The following EEPD1 variants were observed in gnomAD, a reference collection of about 807,000 sequenced individuals.
The protein encoded by EEPD1 is endonuclease/exonuclease/phosphatase family domain-containing protein 1.
Under a neutral mutation model 46.3 loss-of-function variants are expected in EEPD1, and 17 were observed. The observed-to-expected ratio is 0.37, with a 90% CI of 0.25 to 0.55. The LOEUF is 0.55. Ranked by LOEUF, EEPD1 falls within the 20% of genes least tolerant of loss-of-function variation. The pLI, the probability that EEPD1 is intolerant of heterozygous loss-of-function variation, is 0.83. For synonymous variants in EEPD1, 313 were observed against 315.6 expected (o/e 0.99, Z 0.09); for missense variants, 673 against 745.6 (o/e 0.90, Z 1.13).
intron 3 of EEPD1, among the ~76,000 whole-genome samples, chr7:36,265,909 G>A (rs757853925): frequency 6.6e-6 from 1 of 152,206 alleles, no homozygotes; most frequent in Admixed American, 6.5e-5. Flanking sequence ...AGCTAATGTT[G>A]TAACAGGCAT....
At chr7:36,291,917 C>CTACTCGCTTTGCTTGGAAAA (rs1314145213) in intron 6 of EEPD1, among the ~76,000 whole-genome samples, 1 of 152,242 alleles carries the variant, frequency 6.6e-6, no homozygotes, top group Non-Finnish European at 1.5e-5. Flanking sequence ...TTCAGGATTT[C>CTACTCGCTTTGCTTGGAAAA]TACTCGCTTT....
intron 2 of EEPD1, among the ~76,000 whole-genome samples, chr7:36,238,318 C>T: frequency 6.6e-6 from 1 of 152,158 alleles, no homozygotes; most frequent in Non-Finnish European, 1.5e-5. Context: ...CCTCCTATCT[C>T]ACCCTGTGAC....
At chr7:36,159,320 T>C (rs1344673930) in intron 2 of EEPD1, among the ~76,000 whole-genome samples, 1 of 152,228 alleles carries the variant, frequency 6.6e-6, no homozygotes, top group Non-Finnish European at 1.5e-5. Flanking sequence ...GAGTGATTGA[T>C]ACATGGTTGT....
At chr7:36,267,514 T>C (rs899769674) in intron 3 of EEPD1, among the ~76,000 whole-genome samples, 2 of 152,148 alleles carry the variant, frequency 1.3e-5, no homozygotes, top group Non-Finnish European at 2.9e-5. Context: ...ACTCCTCTTA[T>C]CCTTGAGTTC....
At chr7:36,167,709 C>T (rs891499644) in intron 2 of EEPD1, among the ~76,000 whole-genome samples, 1 of 151,824 alleles carries the variant, frequency 6.6e-6, no homozygotes, top group African/African-American at 2.4e-5. Flanking sequence ...GAACATAGTG[C>T]CCTTTATTAT....
rs189550420 is a variant in EEPD1 at position 36,230,554 on chromosome 7, G to A, written c.879-8431G>A. On this transcript the variant is annotated intron_variant, in intron 2 of 7. Coordinates refer to ENST00000242108, the MANE Select transcript of EEPD1 (RefSeq NM_030636.3). ...GTCCCCTTGTTCCTTTGCTCTTGCC[G>A]TTCCTGCCACCCTACCTGGAATGCT... 1.1e-3 allele frequency among the ~76,000 whole-genome samples: 165 copies of A among 152,180 alleles called. 1 individual carries two copies. The highest frequency in any genetic ancestry group is 3.7e-3 in the African/African-American group (152 of 41,500).
chr7:36,242,768 C>CAAAAAA (rs34909516), intron 3 of EEPD1, among the ~76,000 whole-genome samples: 17 of 85,362 alleles, frequency 2.0e-4, no homozygotes, highest in South Asian at 8.0e-4. Context: ...AATAAAAATA[C>CAAAAAA]AAAAAAAAAA....
At chr7:36,175,311 G>A (rs907016849) in intron 2 of EEPD1, among the ~76,000 whole-genome samples, 1 of 152,196 alleles carries the variant, frequency 6.6e-6, no homozygotes, top group African/African-American at 2.4e-5. Context: ...GCTCACTGCG[G>A]CCTCGAACTC....
At position 36,208,320 on chromosome 7, in the gene EEPD1, TC is replaced by T. The variant is rs147272177; in HGVS notation, c.879-30662del. ...AATAAACTGGATCCTGTATTCCCCC[TC>T]CCTCATTTGCTTCACAGCAGCCCTT... On this transcript the variant is annotated intron_variant, in intron 2 of 7. Coordinates refer to ENST00000242108, the MANE Select transcript of EEPD1 (RefSeq NM_030636.3). 3.1e-3 allele frequency among the ~76,000 whole-genome samples: 479 copies of T among 152,342 alleles called. 6 individuals are homozygous for T. The highest frequency in any genetic ancestry group is 0.011 in the African/African-American group (453 of 41,572).
Position 36,178,004 on chromosome 7 carries a change from G to A in EEPD1, c.878+22802G>A, listed in dbSNP as rs983597122. ...GCTGGGATTACAGGCATGAGCCACC[G>A]CGCCTGGCACCTTCACAGTTTTTAT... On this transcript the variant is annotated intron_variant, in intron 2 of 7. Coordinates refer to ENST00000242108, the MANE Select transcript of EEPD1 (RefSeq NM_030636.3). Among the ~76,000 whole-genome samples, 9 of 152,066 alleles carry A rather than the reference G, an allele frequency of 5.9e-5. No homozygotes were observed. In the East Asian group the frequency reaches 1.2e-3, roughly 20 times the overall value.
At chr7:36,206,775 A>T (rs1425216982) in intron 2 of EEPD1, among the ~76,000 whole-genome samples, 1 of 152,238 alleles carries the variant, frequency 6.6e-6, no homozygotes, top group Non-Finnish European at 1.5e-5. Flanking sequence ...GAGGCTGAGC[A>T]CAGTGGCTCA....
chr7:36,294,270 GAA>G (rs1269663862), intron 6 of EEPD1, among the ~76,000 whole-genome samples: 1 of 151,916 alleles, frequency 6.6e-6, no homozygotes, highest in African/African-American at 2.4e-5. Flanking sequence ...TTAAATGAAA[GAA>G]TATTAAAACA....
At chr7:36,290,066 C>T (rs946073456) in intron 6 of EEPD1, among the ~76,000 whole-genome samples, 13 of 152,180 alleles carry the variant, frequency 8.5e-5, no homozygotes, top group Non-Finnish European at 1.9e-4. Context: ...AATTGTCCAC[C>T]TATAGTTAGA....
intron 2 of EEPD1, among the ~76,000 whole-genome samples, chr7:36,209,029 G>A (rs2726097): frequency 1.3e-5 from 2 of 152,130 alleles, no homozygotes; most frequent in African/African-American, 4.8e-5. Flanking sequence ...TCAGGTGTTT[G>A]GCCTTCGACA....
rs1406820592 is a variant in EEPD1, at chr7:36,155,035, G to A, written c.711G>A (p.Gly237=). ...QSEDLDLPPG[G]PTQIISTRPS... Reference sequence around the variant, plus strand: ...AGGACCTGGACCTGCCGCCAGGGGGGCCCACCCAGATTATCTCCACTCGGC... The same window carrying A: ...AGGACCTGGACCTGCCGCCAGGGGGACCCACCCAGATTATCTCCACTCGGC... The change falls in exon 2 of 8, where the codon GGG becomes GGA. Residue 237 remains glycine (G), a synonymous_variant. Transcript: ENST00000242108. 7.5e-6 allele frequency: 12 copies of A among 1,604,046 alleles called. No individual in the cohort carries two copies. The highest frequency in any genetic ancestry group is 1.3e-5 in the African/African-American group (1 of 74,788).
chr7:36,197,766 AC>A (rs1452112189), intron 2 of EEPD1, among the ~76,000 whole-genome samples: 6 of 152,274 alleles, frequency 3.9e-5, no homozygotes, highest in African/African-American at 1.4e-4. Flanking sequence ...ACCCAGGGAC[AC>A]AAACACTCTG....
chr7:36,286,246 A>ATT (rs1401793772), intron 5 of EEPD1, among the ~76,000 whole-genome samples: 1 of 152,226 alleles, frequency 6.6e-6, no homozygotes. Flanking sequence ...TTCATGTCAC[A>ATT]TTATAGGCCT....
At chr7:36,204,419 T>TGAGGAGGAG (rs34611930) in intron 2 of EEPD1, among the ~76,000 whole-genome samples, 4,045 of 152,160 alleles carry the variant, frequency 0.027, 83 homozygotes, top group South Asian at 0.073. Context: ...GCAATGATGA[T>TGAGGAGGAG]GAGGAGGAGG....
At chr7:36,240,666 T>G (rs1786541881) in intron 3 of EEPD1, among the ~76,000 whole-genome samples, 1 of 152,214 alleles carries the variant, frequency 6.6e-6, no homozygotes, top group Non-Finnish European at 1.5e-5. Context: ...AGGTATTGTA[T>G]TAACATTAAC....
Sources: allele counts gnomAD v4.1 joint callset (sites outside exome capture counted in the v4.1 genomes callset), GRCh38; gene constraint gnomAD v4.1.1; transcripts MANE v1.5; gene names NCBI Gene and HGNC (gene_info 2026-07-23, HGNC 2026-07-21).